DPY19L3: variants seen among roughly 807,000 people sequenced by gnomAD.
DPY19L3 encodes the protein dpy-19 like C-mannosyltransferase 3, also known as protein C-mannosyl-transferase DPY19L3.
A neutral mutation model predicts 92.3 loss-of-function variants in DPY19L3; 51 were observed. The observed-to-expected ratio is 0.55, with a 90% confidence interval of 0.44 to 0.70. The LOEUF is 0.70. Among genes scored for constraint, DPY19L3 ranks in the 30% least tolerant of loss-of-function variants. The pLI is 0.00. For synonymous variants in DPY19L3, 309 were observed against 315.2 expected (o/e 0.98, Z 0.21); for missense variants, 706 against 855.9 (o/e 0.82, Z 2.18).
Position 32,454,884 on chromosome 19 carries a change from T to C in DPY19L3, c.988-55T>C. On this transcript the variant is annotated intron_variant, in intron 9 of 18. Coordinates refer to ENST00000392250, the MANE Select transcript of DPY19L3 (RefSeq NM_001172774.2). ...TCCTTAAGTAAGCTCATCTTCAGTGTTTATGAAGTTATATTAAAACTTAAG... is the reference window on the plus strand; with the variant it reads ...TCCTTAAGTAAGCTCATCTTCAGTGCTTATGAAGTTATATTAAAACTTAAG... 2.6e-6 allele frequency: 3 copies of C among 1,170,866 alleles called. No homozygotes were observed. The South Asian group carries it at 4.2e-5, about 16-fold the overall frequency. 72.5% of individuals were successfully genotyped at this position (1,170,866 alleles called of 1,614,324 possible). A position where few individuals can be genotyped will look rare whatever the true frequency, so the allele number is the denominator to read the frequency against.
At chr19:32,465,505 A>G (rs931437026) in intron 15 of DPY19L3, among the ~76,000 whole-genome samples, 1 of 151,892 alleles carries the variant, frequency 6.6e-6, no homozygotes, top group Non-Finnish European at 1.5e-5. Flanking sequence ...TTAAGTTTAT[A>G]TTTTTTTTCC....
At chr19:32,481,930 A>G (rs1423460440) in intron 18 of DPY19L3, 149 bp from the exon 19 acceptor site, 1 of 842,126 alleles carries the variant, frequency 1.2e-6, no homozygotes, top group Non-Finnish European at 1.8e-6. Context: ...GATGGCCCTG[A>G]TGATCTCCAG....
chr19:32,445,182 C>G (rs917450694), intron 8 of DPY19L3, among the ~76,000 whole-genome samples: 4 of 151,676 alleles, frequency 2.6e-5, no homozygotes, highest in Non-Finnish European at 5.9e-5. Flanking sequence ...TGGCTCACGC[C>G]TGTAATCCCA....
intron 2 of DPY19L3, among the ~76,000 whole-genome samples, 174 bp downstream of exon 2, chr19:32,408,530 A>C (rs1299866075): frequency 6.6e-6 from 1 of 152,208 alleles, no homozygotes; most frequent in African/African-American, 2.4e-5. Flanking sequence ...GATTTGACAA[A>C]AGATGAAAGA....
chr19:32,437,286 C>G lies in DPY19L3; in HGVS notation c.543C>G (p.Leu181=). 1 of 1,614,102 alleles carries G rather than the reference C, an allele frequency of 6.2e-7. No individual in the cohort carries two copies. ...CTCTCTACATAACCAGCTGGCTACTCAGTGGTACATGGCTGTCAGGACTGT... is the reference window on the plus strand; with the variant it reads ...CTCTCTACATAACCAGCTGGCTACTGAGTGGTACATGGCTGTCAGGACTGT... ...VTALYITSWL[L]SGTWLSGLLA... The change falls in exon 6 of 19, where the codon CTC becomes CTG. Residue 181 remains leucine (L), a synonymous_variant. Transcript: ENST00000392250.
intron 8 of DPY19L3, among the ~76,000 whole-genome samples, chr19:32,444,016 C>T (rs1271288865): frequency 2.1e-5 from 3 of 140,488 alleles, no homozygotes; most frequent in Admixed American, 1.5e-4. Context: ...GCCTGGGCAA[C>T]GGAGCAAGAC....
chr19:32,424,018 A>G (rs1968670917), intron 3 of DPY19L3, among the ~76,000 whole-genome samples: 1 of 152,000 alleles, frequency 6.6e-6, no homozygotes, highest in Non-Finnish European at 1.5e-5. Flanking sequence ...CTCGAAAAAA[A>G]AAAGGTTGGG....
chr19:32,409,260 T>C (rs1968093643), intron 2 of DPY19L3, among the ~76,000 whole-genome samples: 1 of 152,242 alleles, frequency 6.6e-6, no homozygotes, highest in African/African-American at 2.4e-5. Context: ...ATTCTGCACA[T>C]GTATACCCAT....
rs1306734023 is a variant in DPY19L3 at position 32,483,651 on chromosome 19, G to A, written c.*1411G>A. On this transcript the variant is annotated 3_prime_UTR_variant, in exon 19 of 19. Coordinates refer to ENST00000392250, the MANE Select transcript of DPY19L3 (RefSeq NM_001172774.2). ...CAGCATTCAAAAAGTCTTTTACACTGTCATGTTGGACACAAGCAGACTCAG... is the reference window on the plus strand; with the variant it reads ...CAGCATTCAAAAAGTCTTTTACACTATCATGTTGGACACAAGCAGACTCAG... 6.6e-6 allele frequency: 1 copy of A among 152,158 alleles called. No individual in the cohort carries two copies. The highest frequency in any genetic ancestry group is 1.5e-5 in the Non-Finnish European group (1 of 68,020). 9.4% of individuals were successfully genotyped at this position (152,158 alleles called of 1,614,324 possible).
In DPY19L3 at chr19:32,463,506, GTTTGTTTACTT is replaced by G; in HGVS notation, c.1445+22_1445+32del. The G allele has an allele frequency of 1.9e-6, 3 of 1,605,058 alleles. No individual in the cohort carries two copies. Among genetic ancestry groups the G allele is most frequent in the Non-Finnish European group, 2.6e-6 (3 of 1,175,302 alleles). On this transcript the variant is annotated intron_variant, in intron 13 of 18. Coordinates refer to ENST00000392250, the MANE Select transcript of DPY19L3 (RefSeq NM_001172774.2). ...ACAATGAGGTATTTTTGTCTTACCT[GTTTGTTTACTT>G]TTTATTTGATCACTCTTGATGTTAC...
chr19:32,437,717 A>G (rs1170195354), intron 6 of DPY19L3, among the ~76,000 whole-genome samples: 3 of 152,150 alleles, frequency 2.0e-5, no homozygotes, highest in African/African-American at 2.4e-5. Context: ...TTCAATACAT[A>G]TAGAATGTAT....
chr19:32,444,235 T>C (rs1041337771), intron 8 of DPY19L3, among the ~76,000 whole-genome samples: 16 of 151,682 alleles, frequency 1.1e-4, no homozygotes, highest in Non-Finnish European at 2.9e-5. Flanking sequence ...AAATACAAAC[T>C]CTAAGCAAAG....
chr19:32,463,316 A>C, intron 12 of DPY19L3, 50 bp from the exon 13 acceptor site: 1 of 1,599,332 alleles, frequency 6.3e-7, no homozygotes, highest in Non-Finnish European at 8.6e-7. Context: ...CAAAGATCTA[A>C]CTAAAATTAT....
Position 32,463,471 on chromosome 19 carries a change from G to C in DPY19L3, c.1428G>C (p.Leu476Phe). 6.2e-7 allele frequency: 1 copy of C among 1,612,902 alleles called. No homozygotes were observed. Among genetic ancestry groups the C allele is most frequent in the Non-Finnish European group, 8.5e-7 (1 of 1,179,442 alleles). Residue 476 changes from leucine to phenylalanine, a missense_variant, in exon 13 of 19, where the codon TTG becomes TTC. Physicochemically the swap from Leu to Phe is conservative, Grantham distance 22. Transcript: ENST00000392250. ...NLIHTILFGF[L>F]ALSTMRMKYL... is the part of the protein sequence containing the mutation. Reference sequence around the variant, plus strand: ...TACATACCATTCTGTTTGGATTCTTGGCATTGAGTACAATGAGGTATTTTT... The same window carrying C: ...TACATACCATTCTGTTTGGATTCTTCGCATTGAGTACAATGAGGTATTTTT...
chr19:32,464,131 AATT>A, intron 14 of DPY19L3, 151 bp downstream of exon 14: 4 of 411,208 alleles, frequency 9.7e-6, no homozygotes, highest in Middle Eastern at 1.3e-3. Context: ...TTTTATAGGG[AATT>A]ATTTTAAAAT....
At chr19:32,428,343 AAAGC>A (rs1458766393) in intron 3 of DPY19L3, among the ~76,000 whole-genome samples, 2 of 152,096 alleles carry the variant, frequency 1.3e-5, no homozygotes, top group East Asian at 3.9e-4. Flanking sequence ...TTTTTAAAAA[AAAGC>A]AAGAGGAGAA....
intron 17 of DPY19L3, among the ~76,000 whole-genome samples, chr19:32,478,279 C>G (rs1970573142): frequency 6.6e-6 from 1 of 152,162 alleles, no homozygotes; most frequent in Non-Finnish European, 1.5e-5. Flanking sequence ...TGAGGTTAGG[C>G]CACAGGTCCT....
chr19:32,411,130 T>C, intron 2 of DPY19L3, 109 bp from the exon 3 acceptor site: 1 of 1,177,138 alleles, frequency 8.5e-7, no homozygotes, highest in Non-Finnish European at 1.2e-6. Flanking sequence ...GGAAAAGCTT[T>C]CCCAGTGACA....
At chr19:32,430,342 C>T (rs1599611710) in intron 3 of DPY19L3, among the ~76,000 whole-genome samples, 2 of 152,152 alleles carry the variant, frequency 1.3e-5, no homozygotes, top group South Asian at 4.1e-4. Context: ...GTGATCATGC[C>T]ACCGTACTCA....
Sources: allele counts gnomAD v4.1 joint callset (sites outside exome capture counted in the v4.1 genomes callset), GRCh38; gene constraint gnomAD v4.1.1; transcripts MANE v1.5; gene names NCBI Gene and HGNC (gene_info 2026-07-23, HGNC 2026-07-21).